LYPD6B: variants seen among roughly 807,000 people sequenced by gnomAD.
The protein encoded by LYPD6B is LY6/PLAUR domain containing 6B.
In LYPD6B, 17 loss-of-function variants were observed where a neutral mutation model predicts 22.8. The observed-to-expected ratio is 0.75, with a 90% confidence interval of 0.51 to 1.12. LYPD6B has a LOEUF of 1.12. LYPD6B is among the 50% of genes most tolerant of loss of function. LYPD6B has a pLI of 0.00. For synonymous variants in LYPD6B, 106 were observed against 91.6 expected, an observed-to-expected ratio of 1.16 and a Z score of -0.90; for missense variants, 221 against 258.3, an observed-to-expected ratio of 0.86 and a Z score of 0.99.
intron 3 of LYPD6B, among the ~76,000 whole-genome samples, chr2:149,183,354 A>G (rs1480596879): frequency 1.3e-5 from 2 of 152,190 alleles, no homozygotes; most frequent in Non-Finnish European, 2.9e-5. Context: ...AAACCTAAGC[A>G]CTTGTCTGTA....
chr2:149,120,720 G>A (rs1012558614), intron 1 of LYPD6B, among the ~76,000 whole-genome samples: 6 of 146,828 alleles, frequency 4.1e-5, no homozygotes, highest in Non-Finnish European at 5.9e-5. Context: ...TCTGATGCAC[G>A]TCCAAATATG....
At chr2:149,061,935 A>C (rs992911953) in intron 1 of LYPD6B, among the ~76,000 whole-genome samples, 1 of 151,698 alleles carries the variant, frequency 6.6e-6, no homozygotes, top group Non-Finnish European at 1.5e-5. Flanking sequence ...TAAATTGAGC[A>C]TTTTTTCAGG....
chr2:149,053,006 A>G (rs1431884866), intron 1 of LYPD6B, among the ~76,000 whole-genome samples: 2 of 152,322 alleles, frequency 1.3e-5, no homozygotes, highest in African/African-American at 2.4e-5. Flanking sequence ...GCTATTGAGC[A>G]CTTGACATGT....
chr2:149,189,361 TA>T (rs1692341891), intron 3 of LYPD6B, among the ~76,000 whole-genome samples: 1 of 86,216 alleles, frequency 1.2e-5, no homozygotes, highest in African/African-American at 3.6e-5. Flanking sequence ...TATATATATA[TA>T]TATATACACA....
At chr2:149,135,130 AGCTACTTAGGAG>A (rs1368502464) in intron 2 of LYPD6B, among the ~76,000 whole-genome samples, 1 of 147,514 alleles carries the variant, frequency 6.8e-6, no homozygotes, top group Non-Finnish European at 1.5e-5. Flanking sequence ...CTGTAATCCT[AGCTACTTAGGAG>A]GCTGAGACAC....
intron 1 of LYPD6B, among the ~76,000 whole-genome samples, chr2:149,045,407 A>G (rs1228087811): frequency 6.6e-6 from 1 of 151,912 alleles, no homozygotes; most frequent in African/African-American, 2.4e-5. Context: ...TCTGTTTTCA[A>G]TTTAATTGAT....
At chr2:149,045,457 T>C (rs183638555) in intron 1 of LYPD6B, among the ~76,000 whole-genome samples, 1 of 152,136 alleles carries the variant, frequency 6.6e-6, no homozygotes, top group East Asian at 1.9e-4. Flanking sequence ...TGTCTTTGCT[T>C]AGGTTTAATG....
rs2288076 is a variant in LYPD6B, at chr2:149,214,871, G to A, written c.*161G>A. On this transcript the variant is annotated 3_prime_UTR_variant, in exon 7 of 7. Coordinates refer to ENST00000409642, the MANE Select transcript of LYPD6B (RefSeq NM_177964.5). ...TGGTTTGCTTGGATAAAATGTTCCC[G>A]CATGAGGCCACAGGACTGAGGATGG... 1.0e-4 allele frequency: 78 copies of A among 744,804 alleles called. 2 individuals carry two copies. Among genetic ancestry groups the A allele is most frequent in the Admixed American group, 6.0e-4 (27 of 44,674 alleles). 46.1% of individuals were successfully genotyped at this position (744,804 alleles called of 1,614,324 possible).
chr2:149,065,564 T>A (rs773257981), intron 1 of LYPD6B, among the ~76,000 whole-genome samples: 3 of 152,216 alleles, frequency 2.0e-5, no homozygotes, highest in Non-Finnish European at 4.4e-5. Context: ...AGACTCCAGT[T>A]ACTTCCTGCT....
intron 1 of LYPD6B, among the ~76,000 whole-genome samples, chr2:149,043,148 G>A (rs757944446): frequency 1.3e-5 from 2 of 152,076 alleles, no homozygotes; most frequent in African/African-American, 4.8e-5. Flanking sequence ...CATGCTCAGG[G>A]TTCATTATTT....
intron 3 of LYPD6B, among the ~76,000 whole-genome samples, chr2:149,184,402 C>T (rs1028242607): frequency 6.6e-6 from 1 of 152,160 alleles, no homozygotes; most frequent in Non-Finnish European, 1.5e-5. Context: ...TGTCCTTCTG[C>T]AGGGCCCAGG....
At chr2:149,127,778 C>T (rs988765848) in intron 1 of LYPD6B, among the ~76,000 whole-genome samples, 3 of 152,242 alleles carry the variant, frequency 2.0e-5, no homozygotes, top group African/African-American at 4.8e-5. Context: ...TAGAATACCC[C>T]CAGTTCCTTG....
chr2:149,198,623 A>G (rs1222426432), intron 3 of LYPD6B, among the ~76,000 whole-genome samples: 1 of 152,224 alleles, frequency 6.6e-6, no homozygotes, highest in African/African-American at 2.4e-5. Flanking sequence ...TTATTTTAAC[A>G]TCAGTGCTGC....
At chr2:149,046,576 A>C (rs971729196) in intron 1 of LYPD6B, among the ~76,000 whole-genome samples, 1 of 151,732 alleles carries the variant, frequency 6.6e-6, no homozygotes, top group South Asian at 2.1e-4. Context: ...ACAGTGGCGC[A>C]ATCTTGGCTT....
At chr2:149,138,513 G>T (rs1485764127) in intron 2 of LYPD6B, among the ~76,000 whole-genome samples, 1 of 152,140 alleles carries the variant, frequency 6.6e-6, no homozygotes, top group Non-Finnish European at 1.5e-5. Context: ...AAGAGCACTG[G>T]CCTTTTGCAT....
At position 149,175,253 on chromosome 2, in the gene LYPD6B, A is replaced by G. The variant is rs548675459; in HGVS notation, c.77+14418A>G. 2.6e-4 allele frequency among the ~76,000 whole-genome samples: 40 copies of G among 152,290 alleles called. 1 individual carries two copies. In the South Asian group the frequency reaches 7.9e-3, roughly 30 times the overall value. ...CTATTCCTCCTAGGGCTACAATCCT[A>G]TACAGCATGTTACTCTACTGAATAC... On this transcript the variant is annotated intron_variant, in intron 3 of 6. Transcript: ENST00000409642.
At chr2:149,128,073 T>C (rs1248065708) in intron 1 of LYPD6B, among the ~76,000 whole-genome samples, 1 of 152,244 alleles carries the variant, frequency 6.6e-6, no homozygotes, top group Non-Finnish European at 1.5e-5. Flanking sequence ...TCAGCTAACA[T>C]ATATCATTTA....
At chr2:149,069,401 TG>T (rs1558979289) in intron 1 of LYPD6B, among the ~76,000 whole-genome samples, 1 of 152,154 alleles carries the variant, frequency 6.6e-6, no homozygotes. Context: ...GCGGTGGAAT[TG>T]TTTATGAATG....
intron 1 of LYPD6B, among the ~76,000 whole-genome samples, chr2:149,103,219 T>G (rs946419277): frequency 2.0e-5 from 3 of 152,212 alleles, no homozygotes; most frequent in Non-Finnish European, 4.4e-5. Context: ...ATGAGTGCAG[T>G]GACAGCGTTG....
Sources: gnomAD v4.1 joint callset for allele counts (sites outside exome capture counted in the v4.1 genomes callset) on GRCh38, gnomAD v4.1.1 for gene constraint, MANE v1.5 for transcripts, NCBI Gene and HGNC (gene_info 2026-07-23, HGNC 2026-07-21) for gene names.